The following CEP43 variants were observed in gnomAD, a reference collection of about 807,000 sequenced individuals.
CEP43 encodes the protein centrosomal protein 43, also known as FGFR1 oncogene partner.
A neutral mutation model predicts 52.6 loss-of-function variants in CEP43; 36 were observed. The observed-to-expected ratio is 0.68, with a 90% CI of 0.52 to 0.90. CEP43 has a LOEUF of 0.90. CEP43 is among the 40% of genes least tolerant of loss of function. The pLI, the probability that CEP43 is intolerant of heterozygous loss-of-function variation, is 0.00. For synonymous variants in CEP43, 192 were observed against 172.4 expected (o/e 1.11, Z -0.89); for missense variants, 506 against 472.8 (o/e 1.07, Z -0.65).
intron 12 of CEP43, chr6:167,036,239 G>T: frequency 1.0e-6 from 1 of 985,402 alleles, no homozygotes; most frequent in Non-Finnish European, 1.2e-6. Flanking sequence ...GGTTCTGCGA[G>T]GGCTGAGGAG....
intron 2 of CEP43, 44 bp from the exon 3 acceptor site, chr6:167,003,149 T>C: frequency 1.1e-6 from 1 of 881,430 alleles, no homozygotes; most frequent in Non-Finnish European, 1.8e-6. Context: ...TGTAGTTGTT[T>C]TTAGGGTAAA....
chr6:167,020,085 T>A (rs898982430), intron 7 of CEP43, among the ~76,000 whole-genome samples: 9 of 152,192 alleles, frequency 5.9e-5, no homozygotes, highest in Admixed American at 2.6e-4. Context: ...AGTGTAAAAA[T>A]CAGAAATTAC....
intron 10 of CEP43, among the ~76,000 whole-genome samples, chr6:167,029,003 G>A (rs1268133315): frequency 2.0e-5 from 3 of 152,210 alleles, no homozygotes; most frequent in Non-Finnish European, 4.4e-5. Flanking sequence ...TTTCCGTAAA[G>A]GGCCAAATAG....
At chr6:167,039,421 G>T (rs1039246220) in intron 12 of CEP43, among the ~76,000 whole-genome samples, 1 of 152,176 alleles carries the variant, frequency 6.6e-6, no homozygotes, top group African/African-American at 2.4e-5. Context: ...GAGCCACTGC[G>T]CCTGGCCTAT....
rs1175960470 is a variant in CEP43 at position 167,045,925 on chromosome 6, C to A, written c.*5947C>A. ...GCACATCCCCTCCTGCCCCAGCACC[C>A]CTACTGCCCATGCGCCTCTCCTGCC... On this transcript the variant is annotated 3_prime_UTR_variant, in exon 13 of 13. Transcript: ENST00000366847. 6.6e-6 allele frequency: 1 copy of A among 152,200 alleles called. No homozygotes were observed. The highest frequency in any genetic ancestry group is 2.4e-5 in the African/African-American group (1 of 41,354). The allele number at this position is 152,200 out of a possible 1,614,324, so 9.4% of individuals were successfully genotyped here. A position where few individuals can be genotyped will look rare whatever the true frequency, so the allele number is the denominator to read the frequency against.
chr6:166,999,709 C>CCTGCCCCATCCCCTGGCCTG, intron 1 of CEP43, 195 bp downstream of exon 1: 1 of 485,760 alleles, frequency 2.1e-6, no homozygotes, highest in Non-Finnish European at 3.6e-6. Context: ...CGTGTGGTCC[C>CCTGCCCCATCCCCTGGCCTG]GGAGGGCACC....
Position 167,044,554 on chromosome 6 carries a change from AAGGAAAC to A in CEP43, c.*4579_*4585del. Reference sequence around the variant, plus strand: ...CCGGGTGAATGAGAGTGGCAGACAGAAGGAAACAGCAAGGCCTCTGAGGTAGGAGGGA... The same window carrying A: ...CCGGGTGAATGAGAGTGGCAGACAGAAGCAAGGCCTCTGAGGTAGGAGGGA... On this transcript the variant is annotated 3_prime_UTR_variant, in exon 13 of 13. Coordinates refer to ENST00000366847, the MANE Select transcript of CEP43 (RefSeq NM_007045.4). 1.0e-6 allele frequency: 1 copy of A among 985,368 alleles called. No individual in the cohort carries two copies. Among genetic ancestry groups the A allele is most frequent in the Middle Eastern group, 5.2e-4 (1 of 1,914 alleles). The allele number at this position is 985,368 out of a possible 1,614,324, so 61.0% of individuals were successfully genotyped here. A position where few individuals can be genotyped will look rare whatever the true frequency, so the allele number is the denominator to read the frequency against.
chr6:167,021,329 A>G (rs1033343162), intron 7 of CEP43, among the ~76,000 whole-genome samples: 2 of 152,168 alleles, frequency 1.3e-5, no homozygotes, highest in African/African-American at 2.4e-5. Flanking sequence ...TGACCTGACC[A>G]CTTAACTCTC....
At chr6:167,020,707 G>A (rs547074579) in intron 7 of CEP43, among the ~76,000 whole-genome samples, 11 of 152,178 alleles carry the variant, frequency 7.2e-5, no homozygotes, top group South Asian at 6.2e-4. Context: ...TCAGAAGTTC[G>A]AGACCAGCGT....
Position 167,040,758 on chromosome 6 carries a change from C to G in CEP43, c.*780C>G. Reference sequence around the variant, plus strand: ...AAGATTCCTTGAAACTTAAATGCATCTGAAACCATTAAGCAGTGCTTTTAT... The same window carrying G: ...AAGATTCCTTGAAACTTAAATGCATGTGAAACCATTAAGCAGTGCTTTTAT... On this transcript the variant is annotated 3_prime_UTR_variant, in exon 13 of 13. Transcript: ENST00000366847. 9.8e-7 allele frequency: 1 copy of G among 1,018,352 alleles called. No homozygotes were observed. The highest frequency in any genetic ancestry group is 6.4e-5 in the East Asian group (1 of 15,544). 63.1% of individuals were successfully genotyped at this position (1,018,352 alleles called of 1,614,324 possible).
chr6:167,000,275 T>C (rs944555313), intron 2 of CEP43, among the ~76,000 whole-genome samples, 162 bp downstream of exon 2: 6 of 152,234 alleles, frequency 3.9e-5, no homozygotes, highest in Non-Finnish European at 7.3e-5. Context: ...ATTATTCTTT[T>C]TTCGTGTAGC....
chr6:167,005,643 A>G (rs1402596014), intron 5 of CEP43, among the ~76,000 whole-genome samples: 1 of 152,212 alleles, frequency 6.6e-6, no homozygotes, highest in Admixed American at 6.5e-5. Flanking sequence ...CAGCTTGTGC[A>G]TATAATTTCA....
chr6:167,012,137 G>A (rs1047267101), intron 6 of CEP43, among the ~76,000 whole-genome samples: 1 of 152,176 alleles, frequency 6.6e-6, no homozygotes, highest in Non-Finnish European at 1.5e-5. Flanking sequence ...AGGACGTAGT[G>A]ATTATACTAC....
chr6:167,020,406 G>GTAC (rs1562528414), intron 7 of CEP43, among the ~76,000 whole-genome samples: 1 of 152,172 alleles, frequency 6.6e-6, no homozygotes, highest in Non-Finnish European at 1.5e-5. Flanking sequence ...CATTCTGTCT[G>GTAC]TACCCATATG....
Position 167,044,164 on chromosome 6 carries a change from A to C in CEP43, c.*4186A>C, listed in dbSNP as rs1243342659. On this transcript the variant is annotated 3_prime_UTR_variant, in exon 13 of 13. Coordinates refer to ENST00000366847, the MANE Select transcript of CEP43 (RefSeq NM_007045.4). The stretch of plus-strand genomic sequence containing the variant: ...TGTGAGCCCTACACTTCCATTCTTT[A>C]TAAATTATCCAGTCCAAGGTACTTT... 6.5e-6 allele frequency: 1 copy of C among 152,854 alleles called. No individual in the cohort carries two copies. Among genetic ancestry groups the C allele is most frequent in the South Asian group, 2.1e-4 (1 of 4,848 alleles). 9.5% of individuals were successfully genotyped at this position (152,854 alleles called of 1,614,324 possible).
In CEP43 at chr6:167,052,112, G is replaced by A. The variant is rs1427469467; in HGVS notation, c.*12134G>A. On this transcript the variant is annotated 3_prime_UTR_variant, in exon 13 of 13. Transcript: ENST00000366847. ...CGTATTTCCTTAATGAATGCTTGAT[G>A]GCTCACAATCTCCTTCTCAGTTTAT... is the stretch of plus-strand genomic sequence containing the variant. 6.6e-6 allele frequency: 1 copy of A among 151,920 alleles called. No individual in the cohort carries two copies. The highest frequency in any genetic ancestry group is 1.5e-5 in the Non-Finnish European group (1 of 67,990). The allele number at this position is 151,920 out of a possible 1,614,324, so 9.4% of individuals were successfully genotyped here. A position where few individuals can be genotyped will look rare whatever the true frequency, so the allele number is the denominator to read the frequency against.
rs1583290245 is a variant in CEP43, at chr6:167,032,595, C to A, written c.989-8C>A. 4 of 1,567,372 alleles carry A rather than the reference C, an allele frequency of 2.6e-6. No individual in the cohort carries two copies. The highest frequency in any genetic ancestry group is 3.5e-6 in the Non-Finnish European group (4 of 1,153,682). ...TAGATATAACATATCTTTTCTTAAA[C>A]TTATCAGGAACTGGAGAAGATGATG... On this transcript the variant is annotated splice_polypyrimidine_tract_variant and splice_region_variant and intron_variant, in intron 10 of 12. Transcript: ENST00000366847.
chr6:167,041,085 A>C lies in CEP43; in HGVS notation c.*1107A>C. The C allele has an allele frequency of 9.6e-7, 1 of 1,038,084 alleles. No homozygotes were observed. Among genetic ancestry groups the C allele is most frequent in the Non-Finnish European group, 1.2e-6 (1 of 862,134 alleles). 64.3% of individuals were successfully genotyped at this position (1,038,084 alleles called of 1,614,324 possible). A position where few individuals can be genotyped will look rare whatever the true frequency, so the allele number is the denominator to read the frequency against. On this transcript the variant is annotated 3_prime_UTR_variant, in exon 13 of 13. Coordinates refer to ENST00000366847, the MANE Select transcript of CEP43 (RefSeq NM_007045.4). Reference sequence around the variant, plus strand: ...TAAAGCAGGATTGTGCTGTTTTTGCACTTTATAATTTCAATTAAGTTGCGG... The same window carrying C: ...TAAAGCAGGATTGTGCTGTTTTTGCCCTTTATAATTTCAATTAAGTTGCGG...
At chr6:167,006,825 A>T (rs1026224893) in intron 5 of CEP43, among the ~76,000 whole-genome samples, 1 of 152,172 alleles carries the variant, frequency 6.6e-6, no homozygotes, top group Admixed American at 6.5e-5. Flanking sequence ...TCAGTCCTTT[A>T]TCCTAGCTCC....
Sources: allele counts gnomAD v4.1 joint callset (sites outside exome capture counted in the v4.1 genomes callset), GRCh38; gene constraint gnomAD v4.1.1; transcripts MANE v1.5; gene names NCBI Gene and HGNC (gene_info 2026-07-23, HGNC 2026-07-21).